Variants in SYNE1 observed in about 807,000 individuals in gnomAD.
SYNE1 encodes spectrin repeat containing nuclear envelope protein 1.
SYNE1 carries 616 observed loss-of-function variants against 1,111.0 expected under a neutral mutation model. The observed-to-expected ratio is 0.55, with a 90% confidence interval of 0.52 to 0.59. The LOEUF is 0.59. Among genes scored for constraint, SYNE1 ranks in the 20% least tolerant of loss-of-function variants. The pLI is 0.00. For synonymous variants in SYNE1, 3,855 were observed against 3,825.8 expected (o/e 1.01, Z -0.28); for missense variants, 10,006 against 10,417.0 (o/e 0.96, Z 1.72).
intron 3 of SYNE1, among the ~76,000 whole-genome samples, chr6:152,571,497 G>A (rs543457524): frequency 6.6e-6 from 1 of 152,208 alleles, no homozygotes; most frequent in African/African-American, 2.4e-5. Flanking sequence ...ATCCTTCAGA[G>A]GCATTTCATG....
intron 98 of SYNE1, among the ~76,000 whole-genome samples, chr6:152,273,842 C>T (rs1199791225): frequency 1.3e-5 from 2 of 152,156 alleles, no homozygotes; most frequent in Admixed American, 6.5e-5. Context: ...TTTGCCCTTC[C>T]CAGGCCACGA....
intron 39 of SYNE1, among the ~76,000 whole-genome samples, chr6:152,421,317 T>C (rs562046533): frequency 6.6e-6 from 1 of 152,352 alleles, no homozygotes; most frequent in South Asian, 2.1e-4. Context: ...GAAAGTCTAA[T>C]CTGAGATTTC....
chr6:152,498,245 G>A (rs1189927782), intron 11 of SYNE1, among the ~76,000 whole-genome samples: 1 of 152,106 alleles, frequency 6.6e-6, no homozygotes, highest in Admixed American at 6.5e-5. Context: ...AATATCTTTT[G>A]AGCACCCATG....
At chr6:152,284,438 A>G (rs528245211) in intron 95 of SYNE1, among the ~76,000 whole-genome samples, 1 of 151,682 alleles carries the variant, frequency 6.6e-6, no homozygotes, top group South Asian at 2.1e-4. Context: ...TCTGTAATAC[A>G]AGGATCATCT....
Position 152,164,238 on chromosome 6 carries a change from C to G in SYNE1, c.23715G>C (p.Glu7905Asp). Residue 7905 changes from glutamate to aspartate, a missense_variant, in exon 131 of 146, where the codon GAG becomes GAC. By Grantham distance (45) the Glu-to-Asp change is conservative. Around this residue, in one of 7 missense-constraint regions of SYNE1, gnomAD observed 2,182 missense variants for 2,287.8 expected, o/e 0.95. Transcript: ENST00000367255. ...AGACTATTGGCTTGGCCAGCTCTGA[C>G]TCGATGTGAGCGAGCCAGGTCCTCA... ...SSLRTWLAHI[E>D]SELAKPIVYD... 6.2e-7 allele frequency: 1 copy of G among 1,614,162 alleles called. No homozygotes were observed. The highest frequency in any genetic ancestry group is 8.5e-7 in the Non-Finnish European group (1 of 1,180,036).
intron 73 of SYNE1, among the ~76,000 whole-genome samples, chr6:152,346,703 G>A (rs888294290): frequency 4.6e-5 from 7 of 151,846 alleles, no homozygotes; most frequent in African/African-American, 9.7e-5. Context: ...CCAGCTACTC[G>A]GGAGGCTGAA....
intron 3 of SYNE1, among the ~76,000 whole-genome samples, chr6:152,586,069 A>T (rs1236124639): frequency 6.6e-6 from 1 of 152,118 alleles, no homozygotes; most frequent in African/African-American, 2.4e-5. Flanking sequence ...ATTTTGAACT[A>T]CATATTCCAC....
At chr6:152,408,054 C>T (rs926382127) in intron 44 of SYNE1, among the ~76,000 whole-genome samples, 7 of 152,204 alleles carry the variant, frequency 4.6e-5, no homozygotes, top group South Asian at 2.1e-4. Context: ...TGAGCCACCA[C>T]GCCCAGCCAA....
At position 152,510,215 on chromosome 6, in the gene SYNE1, A is replaced by G; in HGVS notation, c.559T>C (p.Trp187Arg). The change falls in exon 8 of 146, where the codon TGG (tryptophan) becomes CGG (arginine). Residue 187 changes from tryptophan to arginine, a missense_variant. Coordinates refer to ENST00000367255, the MANE Select transcript of SYNE1 (RefSeq NM_182961.4). ...QGNAKKALLK[W>R]VQYTAGKQTG... ...TACTTGCCAGCTGTGTACTGAACCC[A>G]CTTTAATAAAGCCTTCTTAGCATTT... 1 of 1,613,368 alleles carries G rather than the reference A, an allele frequency of 6.2e-7. No individual in the cohort carries two copies. Among genetic ancestry groups the G allele is most frequent in the African/African-American group, 1.3e-5 (1 of 74,770 alleles).
intron 130 of SYNE1, among the ~76,000 whole-genome samples, chr6:152,176,158 ACTCT>A (rs955737122): frequency 5.3e-5 from 8 of 151,840 alleles, no homozygotes; most frequent in African/African-American, 1.7e-4. Flanking sequence ...TTTGGATATG[ACTCT>A]CTCTCTCTTT....
At chr6:152,404,745 T>C (rs938355255) in intron 45 of SYNE1, 5 of 161,070 alleles carry the variant, frequency 3.1e-5, no homozygotes, top group Non-Finnish European at 6.8e-5. Flanking sequence ...ATAGACTATG[T>C]GTAATATGAA....
At chr6:152,558,965 A>T (rs1302853789) in intron 3 of SYNE1, among the ~76,000 whole-genome samples, 1 of 150,112 alleles carries the variant, frequency 6.7e-6, no homozygotes, top group East Asian at 1.9e-4. Context: ...ACAAGTCTTA[A>T]CATATTTAAT....
At position 152,325,272 on chromosome 6, in the gene SYNE1, C is replaced by T. The variant is rs187403476; in HGVS notation, c.15469G>A (p.Glu5157Lys). 113 of 1,614,184 alleles carry T rather than the reference C, an allele frequency of 7.0e-5. No individual in the cohort carries two copies. In the East Asian group the frequency reaches 2.3e-3, roughly 32 times the overall value. ...TTTTCCTCAAGGGCCACAATTTTCTCATGGAAAGAGTTAACCACTGACACT... is the reference window on the plus strand; with the variant it reads ...TTTTCCTCAAGGGCCACAATTTTCTTATGGAAAGAGTTAACCACTGACACT... ...ALVSVVNSFH[E>K]KIVALEEKAS... is the part of the protein sequence containing the mutation. The change falls in exon 81 of 146, where the codon GAG becomes AAG. Residue 5157 changes from glutamate to lysine, a missense_variant. This residue lies in a region of SYNE1 where 4,955 missense variants were observed against 5,017.2 expected (regional missense o/e 0.99). Coordinates refer to ENST00000367255, the MANE Select transcript of SYNE1 (RefSeq NM_182961.4).
intron 101 of SYNE1, among the ~76,000 whole-genome samples, chr6:152,260,864 A>G (rs2091886637): frequency 6.6e-6 from 1 of 152,058 alleles, no homozygotes; most frequent in African/African-American, 2.4e-5. Flanking sequence ...CTAACCAGGA[A>G]GCAGAGCTCA....
intron 78 of SYNE1, among the ~76,000 whole-genome samples, chr6:152,329,273 T>G (rs535461990): frequency 8.5e-5 from 13 of 152,066 alleles, no homozygotes; most frequent in African/African-American, 2.7e-4. Context: ...CGCCTATAAT[T>G]CCAGCACTTT....
In SYNE1 at chr6:152,516,318, C is replaced by A. The variant is rs58302323; in HGVS notation, c.309+4141G>T. ...TTTTGTTCTGATTCTCAAGACACTA[C>A]TTTTGGTGCTTAGCAAATATATTTA... On this transcript the variant is annotated intron_variant, in intron 6 of 145. Coordinates refer to ENST00000367255, the MANE Select transcript of SYNE1 (RefSeq NM_182961.4). Among the ~76,000 whole-genome samples the A allele has an allele frequency of 6.8e-4, 103 of 152,338 alleles. 1 individual carries two copies. In the East Asian group the frequency reaches 0.019, roughly 28 times the overall value.
chr6:152,370,588 T>C (rs1262678810), intron 59 of SYNE1, among the ~76,000 whole-genome samples: 1 of 152,230 alleles, frequency 6.6e-6, no homozygotes, highest in Non-Finnish European at 1.5e-5. Flanking sequence ...AAGTTTTATA[T>C]GGTACTGTCT....
intron 4 of SYNE1, among the ~76,000 whole-genome samples, chr6:152,538,177 G>A (rs1013960403): frequency 2.6e-5 from 4 of 152,134 alleles, no homozygotes; most frequent in African/African-American, 7.2e-5. Context: ...GTGCATAGCT[G>A]TTGACTACCT....
At chr6:152,387,499 A>G in intron 53 of SYNE1, 118 bp from the exon 54 acceptor site, 1 of 1,076,648 alleles carries the variant, frequency 9.3e-7, no homozygotes, top group Non-Finnish European at 1.4e-6. Context: ...GGAAGTGATG[A>G]AAATGTTGCT....
Sources: allele counts gnomAD v4.1 joint callset (sites outside exome capture counted in the v4.1 genomes callset), GRCh38; gene constraint gnomAD v4.1.1; regional missense constraint gnomAD v4.1.1; transcripts MANE v1.5; gene names NCBI Gene and HGNC (gene_info 2026-07-23, HGNC 2026-07-21).